KLF12: variants seen among roughly 807,000 people sequenced by gnomAD.
KLF12 encodes the protein Krueppel-like factor 12.
Under a neutral mutation model 37.8 loss-of-function variants are expected in KLF12, and 9 were observed. The ratio of observed to expected loss-of-function variants is 0.24; its 90% confidence interval spans 0.14 to 0.42. The LOEUF (loss-of-function observed/expected upper bound fraction) is 0.42. Among genes scored for constraint, KLF12 ranks in the 10% least tolerant of loss-of-function variants. The pLI is 1.00. For missense variants in KLF12, 411 were observed against 516.0 expected (o/e 0.80, Z 1.97); for synonymous variants, 208 against 202.1 (o/e 1.03, Z -0.25).
chr13:74,271,757 A>C, the KLF12 span, among the ~76,000 whole-genome samples: 1 of 152,194 alleles, frequency 6.6e-6, no homozygotes, highest in African/African-American at 2.4e-5. Flanking sequence ...AAGGTAGGCA[A>C]GTCAGGTATG....
intron 5 of KLF12, among the ~76,000 whole-genome samples, chr13:73,804,375 T>C (rs984718677): frequency 1.3e-5 from 2 of 152,212 alleles, no homozygotes; most frequent in East Asian, 3.9e-4. Flanking sequence ...TATGACTTAA[T>C]GTTGGCAATT....
chr13:73,966,800 C>T (rs957202182), intron 2 of KLF12, among the ~76,000 whole-genome samples: 11 of 152,174 alleles, frequency 7.2e-5, no homozygotes, highest in African/African-American at 2.7e-4. Context: ...ACTCAGGAAA[C>T]ACTGTCAAAT....
At chr13:73,908,453 A>G (rs552252038) in intron 3 of KLF12, among the ~76,000 whole-genome samples, 7 of 150,932 alleles carry the variant, frequency 4.6e-5, no homozygotes. Flanking sequence ...TTAATCTTTA[A>G]CCCTCCTAAA....
the KLF12 span, among the ~76,000 whole-genome samples, chr13:74,169,972 A>G: frequency 6.7e-6 from 1 of 150,372 alleles, no homozygotes; most frequent in South Asian, 2.1e-4. Flanking sequence ...GTTTAAAAGC[A>G]AACAAATATT....
At chr13:73,934,318 G>A (rs972551092) in intron 3 of KLF12, among the ~76,000 whole-genome samples, 1 of 152,142 alleles carries the variant, frequency 6.6e-6, no homozygotes, top group African/African-American at 2.4e-5. Context: ...TTCACAAGTG[G>A]TGGGAGAACT....
chr13:73,827,676 C>T (rs1234375722), intron 4 of KLF12, among the ~76,000 whole-genome samples: 1 of 152,200 alleles, frequency 6.6e-6, no homozygotes. Flanking sequence ...GATTCTCCTG[C>T]CTCAGCCTCC....
At chr13:73,988,027 C>T (rs961100117) in intron 2 of KLF12, among the ~76,000 whole-genome samples, 1 of 152,198 alleles carries the variant, frequency 6.6e-6, no homozygotes, top group African/African-American at 2.4e-5. Context: ...TTTCCAGAGT[C>T]TCCCCTCTGC....
At chr13:73,899,695 G>A (rs547921921) in intron 3 of KLF12, among the ~76,000 whole-genome samples, 1 of 152,208 alleles carries the variant, frequency 6.6e-6, no homozygotes, top group African/African-American at 2.4e-5. Flanking sequence ...AGAGAGGAAA[G>A]GTAAATTTGC....
intron 3 of KLF12, among the ~76,000 whole-genome samples, chr13:73,859,386 C>T (rs563899701): frequency 2.0e-5 from 3 of 152,296 alleles, no homozygotes; most frequent in East Asian, 1.9e-4. Flanking sequence ...TCTAAACCTA[C>T]GGGTAATTCC....
chr13:74,157,949 T>C, the KLF12 span, among the ~76,000 whole-genome samples: 7 of 152,350 alleles, frequency 4.6e-5, no homozygotes, highest in Admixed American at 3.3e-4. Flanking sequence ...TCCTCAGTCT[T>C]GTATTCAATG....
At chr13:74,065,888 A>G (rs7322857) in intron 1 of KLF12, among the ~76,000 whole-genome samples, 26,962 of 151,762 alleles carry the variant, frequency 0.18, 2,634 homozygotes, top group African/African-American at 0.25. Flanking sequence ...CCCCTCACAG[A>G]GGTTTTATGA....
At chr13:74,218,058 G>A in the KLF12 span, among the ~76,000 whole-genome samples, 56 of 152,188 alleles carry the variant, frequency 3.7e-4, no homozygotes, top group African/African-American at 1.3e-3. Flanking sequence ...TGAGACAAGC[G>A]GCCAAAAAAT....
intron 1 of KLF12, among the ~76,000 whole-genome samples, chr13:74,105,381 T>C (rs1269869071): frequency 1.3e-5 from 2 of 152,126 alleles, no homozygotes; most frequent in Non-Finnish European, 2.9e-5. Flanking sequence ...TTTTAAAAAA[T>C]ATTAATCTGT....
chr13:74,251,319 T>C, the KLF12 span, among the ~76,000 whole-genome samples: 5 of 152,098 alleles, frequency 3.3e-5, no homozygotes, highest in Admixed American at 1.3e-4. Flanking sequence ...AATTTTTTTT[T>C]TCTTTTGGTA....
chr13:74,167,930 G>T, the KLF12 span, among the ~76,000 whole-genome samples: 2 of 152,162 alleles, frequency 1.3e-5, no homozygotes, highest in Admixed American at 1.3e-4. Context: ...TTAAAAATAT[G>T]AAATTAAAGT....
intron 7 of KLF12, among the ~76,000 whole-genome samples, chr13:73,700,146 A>T (rs1033901005): frequency 6.6e-6 from 1 of 152,090 alleles, no homozygotes; most frequent in African/African-American, 2.4e-5. Context: ...GTGCATCTGT[A>T]GTCCCAGCTA....
the KLF12 span, among the ~76,000 whole-genome samples, chr13:74,260,505 G>C: frequency 2.0e-5 from 3 of 151,138 alleles, no homozygotes; most frequent in Non-Finnish European, 4.4e-5. Flanking sequence ...AGTGAGCTAT[G>C]ATTGCCCCAC....
At chr13:74,001,554 A>G (rs1369367677) in intron 1 of KLF12, among the ~76,000 whole-genome samples, 1 of 152,230 alleles carries the variant, frequency 6.6e-6, no homozygotes, top group Non-Finnish European at 1.5e-5. Flanking sequence ...TGCTTTGCTC[A>G]GTATGCAGTA....
At chr13:74,042,398 C>T (rs1039916140) in intron 1 of KLF12, among the ~76,000 whole-genome samples, 1 of 152,008 alleles carries the variant, frequency 6.6e-6, no homozygotes, top group Non-Finnish European at 1.5e-5. Flanking sequence ...GCGTTAAGGA[C>T]CCAATCTTGA....
Sources: allele counts gnomAD v4.1 joint callset (sites outside exome capture counted in the v4.1 genomes callset), GRCh38; gene constraint gnomAD v4.1.1; transcripts MANE v1.5; gene names NCBI Gene and HGNC (gene_info 2026-07-23, HGNC 2026-07-21).